VIT: variants seen among roughly 807,000 people sequenced by gnomAD.
VIT encodes the protein vitrin.
VIT carries 99 observed loss-of-function variants against 78.0 expected under a neutral mutation model. That is an observed-to-expected ratio of 1.27 (90% CI 1.08 to 1.50). The LOEUF (loss-of-function observed/expected upper bound fraction) is 1.50. Ranked by LOEUF, VIT falls within the 40% of genes most tolerant of loss-of-function variation. The pLI is 0.00. For missense variants in VIT, 1,126 were observed against 875.3 expected (o/e 1.29, Z -3.61); for synonymous variants, 374 against 334.3 (o/e 1.12, Z -1.29).
chr2:36,702,868 G>A (rs577389660), intron 1 of VIT, among the ~76,000 whole-genome samples: 10 of 152,296 alleles, frequency 6.6e-5, no homozygotes, highest in African/African-American at 2.2e-4. Context: ...AAATAAATCC[G>A]TTCTGTCTGG....
intron 13 of VIT, among the ~76,000 whole-genome samples, chr2:36,805,031 AG>A (rs1666604844): frequency 6.6e-6 from 1 of 151,840 alleles, no homozygotes; most frequent in Non-Finnish European, 1.5e-5. Context: ...GGCCGGGTGC[AG>A]TGGCTCATGC....
At chr2:36,791,829 T>A (rs11124543) in intron 12 of VIT, among the ~76,000 whole-genome samples, 61 of 152,020 alleles carry the variant, frequency 4.0e-4, no homozygotes, top group Non-Finnish European at 7.1e-4. Flanking sequence ...TCAACTAAGT[T>A]TGTGTTGTTT....
intron 13 of VIT, among the ~76,000 whole-genome samples, chr2:36,802,010 G>A (rs1666368238): frequency 1.3e-5 from 2 of 152,102 alleles, no homozygotes; most frequent in East Asian, 3.9e-4. Flanking sequence ...ACCAGTTAAG[G>A]AAGCCCCTCA....
chr2:36,719,918 G>T (rs994106317), intron 2 of VIT, among the ~76,000 whole-genome samples: 1 of 151,968 alleles, frequency 6.6e-6, no homozygotes, highest in Non-Finnish European at 1.5e-5. Flanking sequence ...CTCCAGCGTG[G>T]GTGACAGAGT....
At chr2:36,758,098 T>C (rs892339603) in intron 5 of VIT, among the ~76,000 whole-genome samples, 5 of 152,256 alleles carry the variant, frequency 3.3e-5, no homozygotes, top group African/African-American at 4.8e-5. Flanking sequence ...AATGCTTTCA[T>C]TACTAGATGT....
intron 7 of VIT, 81 bp from the exon 8 acceptor site, chr2:36,773,710 T>A (rs1669890666): frequency 7.8e-7 from 1 of 1,286,282 alleles, no homozygotes; most frequent in Non-Finnish European, 1.0e-6. Flanking sequence ...GGGCATACAG[T>A]GAGACTCCGA....
At chr2:36,731,674 G>A (rs1262557067) in intron 3 of VIT, among the ~76,000 whole-genome samples, 1 of 152,166 alleles carries the variant, frequency 6.6e-6, no homozygotes, top group African/African-American at 2.4e-5. Flanking sequence ...CACAAAAGAA[G>A]ACACAGATGG....
chr2:36,797,950 G>A (rs770933375), intron 12 of VIT, among the ~76,000 whole-genome samples: 9 of 152,150 alleles, frequency 5.9e-5, no homozygotes, highest in Admixed American at 1.3e-4. Flanking sequence ...GAGATGGGTC[G>A]CTGAGCTTGG....
Position 36,773,849 on chromosome 2 carries a change from T to G in VIT, c.736+2T>G, listed in dbSNP as rs1324994685. The G allele has an allele frequency of 5.0e-6, 8 of 1,593,622 alleles. No individual in the cohort carries two copies. Among genetic ancestry groups the G allele is most frequent in the Non-Finnish European group, 5.1e-6 (6 of 1,168,116 alleles). ...AAAACAGGCCCAGAGCTGATCCAGG[T>G]AAGACCTTAAACTCCCTTTCCAGCC... On this transcript the variant is annotated splice_donor_variant, in intron 8 of 15. Transcript: ENST00000379242. LOFTEE classifies it high-confidence loss of function.
At position 36,728,584 on chromosome 2, in the gene VIT, C is replaced by T. The variant is rs530844191; in HGVS notation, c.53-842C>T. Among the ~76,000 whole-genome samples the T allele has an allele frequency of 2.4e-4, 7 of 29,590 alleles. 2 individuals are homozygous for T. Among genetic ancestry groups the T allele is most frequent in the Admixed American group, 1.4e-3 (5 of 3,544 alleles). 19.4% of individuals were successfully genotyped at this position (29,590 alleles called of 152,430 possible). ...ATCCCAGCACTTTGGGAGGCCGAGG[C>T]GGGCGGATCACGAGGTCAGGAGATC... On this transcript the variant is annotated intron_variant, in intron 2 of 15. Coordinates refer to ENST00000379242, the MANE Select transcript of VIT (RefSeq NM_053276.4).
At chr2:36,699,204 C>CATTGGAGAGGTT in intron 1 of VIT, among the ~76,000 whole-genome samples, 1 of 152,140 alleles carries the variant, frequency 6.6e-6, no homozygotes, top group Admixed American at 6.5e-5. Flanking sequence ...AGCCATGGTG[C>CATTGGAGAGGTT]ACTGGAGAGG....
At chr2:36,779,972 G>C (rs1171604932) in intron 9 of VIT, among the ~76,000 whole-genome samples, 5 of 152,150 alleles carry the variant, frequency 3.3e-5, no homozygotes, top group African/African-American at 9.7e-5. Context: ...CTCCCAGTTG[G>C]TCTTTGGTTG....
chr2:36,729,284 T>C, intron 2 of VIT, 142 bp from the exon 3 acceptor site: 2 of 602,180 alleles, frequency 3.3e-6, no homozygotes, highest in Non-Finnish European at 5.6e-6. Flanking sequence ...GCCCCATCAT[T>C]AAGTGATGCA....
At chr2:36,768,159 C>T (rs1343627616) in intron 7 of VIT, among the ~76,000 whole-genome samples, 2 of 152,266 alleles carry the variant, frequency 1.3e-5, no homozygotes, top group Non-Finnish European at 2.9e-5. Context: ...AGGCTGGGAG[C>T]GGTGGCTCAC....
intron 7 of VIT, 87 bp downstream of exon 7, chr2:36,767,372 G>T (rs973821129): frequency 1.5e-6 from 2 of 1,330,100 alleles, no homozygotes; most frequent in Non-Finnish European, 2.0e-6. Flanking sequence ...GCATCTACTG[G>T]GCTGGGTGAA....
At chr2:36,767,761 A>G (rs1669522269) in intron 7 of VIT, among the ~76,000 whole-genome samples, 1 of 152,216 alleles carries the variant, frequency 6.6e-6, no homozygotes, top group Admixed American at 6.5e-5. Flanking sequence ...TGAAGGTTTT[A>G]TCAAGGTCCA....
At chr2:36,718,348 G>A (rs1417528334) in intron 2 of VIT, among the ~76,000 whole-genome samples, 2 of 152,136 alleles carry the variant, frequency 1.3e-5, no homozygotes, top group Admixed American at 6.5e-5. Flanking sequence ...CAGGCATGGT[G>A]GAAGGAGTAT....
In VIT at chr2:36,814,562, T is replaced by C; in HGVS notation, c.*201T>C. 3.2e-6 allele frequency: 2 copies of C among 629,952 alleles called. No individual in the cohort carries two copies. The highest frequency in any genetic ancestry group is 5.2e-6 in the Non-Finnish European group (2 of 384,538). The allele number at this position is 629,952 out of a possible 1,614,324, so 39.0% of individuals were successfully genotyped here. A position where few individuals can be genotyped will look rare whatever the true frequency, so the allele number is the denominator to read the frequency against. On this transcript the variant is annotated 3_prime_UTR_variant, in exon 16 of 16. Coordinates refer to ENST00000379242, the MANE Select transcript of VIT (RefSeq NM_053276.4). ...CAAAGATGATCACAAACGTATAGAA[T>C]GAGCCAAAAGGCTACATCATGTTGA... is the stretch of plus-strand genomic sequence containing the variant.
At position 36,787,293 on chromosome 2, in the gene VIT, T is replaced by C; in HGVS notation, c.1058+17T>C. On this transcript the variant is annotated intron_variant, in intron 12 of 15. Transcript: ENST00000379242. ...CCAGTATGGGTAAGTGCAGTTAATG[T>C]TCTGAATCCAGAAAGGAAGTCATGC... 6.3e-7 allele frequency: 1 copy of C among 1,598,854 alleles called. No homozygotes were observed. Among genetic ancestry groups the C allele is most frequent in the Non-Finnish European group, 8.5e-7 (1 of 1,170,406 alleles).
Sources: gnomAD v4.1 joint callset for allele counts (sites outside exome capture counted in the v4.1 genomes callset) on GRCh38, gnomAD v4.1.1 for gene constraint, MANE v1.5 for transcripts, NCBI Gene and HGNC (gene_info 2026-07-23, HGNC 2026-07-21) for gene names.